The following GINS3 variants were observed in gnomAD, a reference collection of about 807,000 sequenced individuals.
GINS3 encodes the protein DNA replication complex GINS protein PSF3.
In GINS3, 18 loss-of-function variants were observed where a neutral mutation model predicts 20.0. The observed-to-expected ratio is 0.90, with a 90% CI of 0.62 to 1.33. The LOEUF is 1.33. Ranked by LOEUF, GINS3 falls within the 40% of genes most tolerant of loss-of-function variation. The pLI is 0.00. For synonymous variants in GINS3, 109 were observed against 107.0 expected, an observed-to-expected ratio of 1.02 and a Z score of -0.12; for missense variants, 254 against 273.6, an observed-to-expected ratio of 0.93 and a Z score of 0.51.
chr16:58,395,325 A>G, intron 1 of GINS3: 2 of 169,962 alleles, frequency 1.2e-5, no homozygotes, highest in Non-Finnish European at 2.1e-5. Context: ...ATATTTGTAT[A>G]TATATATATA....
rs368371607 is a variant in GINS3 at position 58,398,991 on chromosome 16, A to AT, written c.187-4098dup. ...TGTTGAGATATTCTCTATCCTTGCA[A>AT]TTTTTTTTTCTACTTTTTTTTTTAT... On this transcript the variant is annotated intron_variant, in intron 1 of 2. Transcript: ENST00000318129. 1.5e-3 allele frequency among the ~76,000 whole-genome samples: 228 copies of AT among 151,418 alleles called. 1 individual carries two copies. The highest frequency in any genetic ancestry group is 4.8e-3 in the African/African-American group (199 of 41,254).
intron 1 of GINS3, among the ~76,000 whole-genome samples, chr16:58,398,085 A>C (rs905374263): frequency 3.9e-5 from 6 of 151,914 alleles, no homozygotes; most frequent in Non-Finnish European, 5.9e-5. Context: ...TTAGGTCATT[A>C]ATTTTTTAAT....
At chr16:58,396,591 C>T (rs866773819) in intron 1 of GINS3, among the ~76,000 whole-genome samples, 13 of 36,408 alleles carry the variant, frequency 3.6e-4, no homozygotes, top group African/African-American at 1.3e-3. Flanking sequence ...CCCTCCCGGA[C>T]GGGGCGGCTG....
chr16:58,403,357 G>A (rs1965983645), intron 2 of GINS3, 26 bp downstream of exon 2: 1 of 1,572,922 alleles, frequency 6.4e-7, no homozygotes, highest in Non-Finnish European at 8.7e-7. Flanking sequence ...GAAAACCTGT[G>A]GTGCTGCACT....
intron 1 of GINS3, among the ~76,000 whole-genome samples, chr16:58,396,578 C>T (rs1461792591): frequency 1.7e-5 from 1 of 57,400 alleles, no homozygotes; most frequent in Non-Finnish European, 3.4e-5. Flanking sequence ...ATCCCCCCCA[C>T]CTCCCTCCCG....
chr16:58,394,652 T>C (rs1406504487), intron 1 of GINS3, among the ~76,000 whole-genome samples: 1 of 152,218 alleles, frequency 6.6e-6, no homozygotes, highest in African/African-American at 2.4e-5. Context: ...CAGCCTTCTT[T>C]GTTTTTGTTT....
chr16:58,401,450 C>A (rs559002693), intron 1 of GINS3, among the ~76,000 whole-genome samples: 8 of 152,098 alleles, frequency 5.3e-5, no homozygotes, highest in Non-Finnish European at 2.9e-5. Flanking sequence ...GCTTTTATTC[C>A]CTTATTTGGC....
intron 1 of GINS3, among the ~76,000 whole-genome samples, chr16:58,399,299 A>AG (rs1379004733): frequency 6.8e-6 from 1 of 147,828 alleles, no homozygotes; most frequent in African/African-American, 2.6e-5. Context: ...AAAAAAAAAA[A>AG]AAAATTGAAA....
chr16:58,399,287 T>TG (rs1490282151), intron 1 of GINS3, among the ~76,000 whole-genome samples: 1 of 142,156 alleles, frequency 7.0e-6, no homozygotes, highest in East Asian at 2.0e-4. Context: ...ACCCCCTCTC[T>TG]GAAAAAAAAA....
chr16:58,403,469 TGTCC>T, intron 2 of GINS3, 138 bp downstream of exon 2: 1 of 630,554 alleles, frequency 1.6e-6, no homozygotes, highest in Non-Finnish European at 2.8e-6. Context: ...TTACACTGTC[TGTCC>T]ATTTTATATA....
chr16:58,404,947 C>T lies in GINS3; in HGVS notation c.*218C>T, dbSNP rs1050288474. On this transcript the variant is annotated 3_prime_UTR_variant, in exon 3 of 3. Transcript: ENST00000318129. ...CGTCCCACCCTGCTGACCCACAGCC[C>T]AGGCCCTTTAACCCAAGAACCCATG... is the stretch of plus-strand genomic sequence containing the variant. The T allele has an allele frequency of 1.8e-6, 1 of 545,328 alleles. No homozygotes were observed. The highest frequency in any genetic ancestry group is 3.3e-6 in the Non-Finnish European group (1 of 305,788). 33.8% of individuals were successfully genotyped at this position (545,328 alleles called of 1,614,324 possible).
intron 1 of GINS3, among the ~76,000 whole-genome samples, chr16:58,393,870 A>G (rs557611499): frequency 1.3e-5 from 2 of 151,264 alleles, no homozygotes; most frequent in South Asian, 2.1e-4. Context: ...CAAAAGATTT[A>G]TAAGAAAAAA....
chr16:58,397,686 A>G (rs1965899041), intron 1 of GINS3, among the ~76,000 whole-genome samples: 1 of 152,156 alleles, frequency 6.6e-6, no homozygotes. Context: ...GCGCGCCTGC[A>G]ATCACAGGCA....
intron 1 of GINS3, among the ~76,000 whole-genome samples, chr16:58,401,990 T>G (rs1490087747): frequency 6.6e-6 from 1 of 152,240 alleles, no homozygotes; most frequent in African/African-American, 2.4e-5. Flanking sequence ...TTTGCCTCAA[T>G]CTATCGCTCC....
intron 1 of GINS3, among the ~76,000 whole-genome samples, chr16:58,398,630 T>G (rs1965914994): frequency 6.6e-6 from 1 of 152,280 alleles, no homozygotes; most frequent in African/African-American, 2.4e-5. Context: ...AAATAAAAAT[T>G]TTAAAATACT....
intron 1 of GINS3, among the ~76,000 whole-genome samples, chr16:58,401,576 T>C (rs1046016169): frequency 6.6e-6 from 1 of 152,248 alleles, no homozygotes; most frequent in Non-Finnish European, 1.5e-5. Flanking sequence ...AGAGTGCTGA[T>C]TGGTGTGTTT....
chr16:58,401,780 G>T (rs1316659211), intron 1 of GINS3, among the ~76,000 whole-genome samples: 1 of 152,200 alleles, frequency 6.6e-6, no homozygotes, highest in African/African-American at 2.4e-5. Context: ...TAAAGGCAGT[G>T]TGTTCGTCAC....
rs1164811115 is a variant in GINS3 at position 58,404,601 on chromosome 16, T to C, written c.523T>C (p.Leu175=). The C allele has an allele frequency of 6.2e-7, 1 of 1,614,096 alleles. No homozygotes were observed. The highest frequency in any genetic ancestry group is 1.7e-5 in the Admixed American group (1 of 60,022). Residue 175 remains leucine, a synonymous_variant, in exon 3 of 3, where the codon TTA becomes CTA. Transcript: ENST00000318129. ...CAGGCTAGACGAGATGGAGAGGGGCTTATTTCAAACAGGGCAGAAAGGACT... is the reference window on the plus strand; with the variant it reads ...CAGGCTAGACGAGATGGAGAGGGGCCTATTTCAAACAGGGCAGAAAGGACT... The part of the protein sequence containing the change: ...VARLDEMERG[L]FQTGQKGLND...
chr16:58,397,489 C>G (rs1965894087), intron 1 of GINS3, among the ~76,000 whole-genome samples: 1 of 152,014 alleles, frequency 6.6e-6, no homozygotes, highest in African/African-American at 2.4e-5. Context: ...GAGCCGAGAT[C>G]ACGCCACTGC....
Sources: gnomAD v4.1 joint callset for allele counts (sites outside exome capture counted in the v4.1 genomes callset) on GRCh38, gnomAD v4.1.1 for gene constraint, MANE v1.5 for transcripts, NCBI Gene and HGNC (gene_info 2026-07-23, HGNC 2026-07-21) for gene names.